The following SPATS2L variants were observed in gnomAD, a reference collection of about 807,000 sequenced individuals.
SPATS2L encodes the protein spermatogenesis associated serine rich 2 like.
In SPATS2L, 30 loss-of-function variants were observed where a neutral mutation model predicts 59.6. The observed-to-expected ratio is 0.50, with a 90% CI of 0.38 to 0.68. The LOEUF (loss-of-function observed/expected upper bound fraction) is 0.68. Among genes scored for constraint, SPATS2L ranks in the 30% least tolerant of loss-of-function variants. The probability of loss-of-function intolerance (pLI) is 0.00; values close to 1 mark genes in which losing one functional copy is unlikely to be tolerated. For missense variants in SPATS2L, 615 were observed against 700.0 expected (o/e 0.88, Z 1.37); for synonymous variants, 252 against 263.5 (o/e 0.96, Z 0.42).
At chr2:200,394,390 C>G (rs1043500184) in intron 3 of SPATS2L, among the ~76,000 whole-genome samples, 1 of 152,196 alleles carries the variant, frequency 6.6e-6, no homozygotes, top group African/African-American at 2.4e-5. Flanking sequence ...CGCCCTTCCT[C>G]TGTCATTCAC....
At chr2:200,391,319 TA>T (rs1445379921) in intron 3 of SPATS2L, among the ~76,000 whole-genome samples, 1 of 152,248 alleles carries the variant, frequency 6.6e-6, no homozygotes, top group African/African-American at 2.4e-5. Context: ...AGAACCTTGT[TA>T]CTATATAATG....
At chr2:200,345,849 G>A (rs559477642) in intron 2 of SPATS2L, among the ~76,000 whole-genome samples, 1 of 152,186 alleles carries the variant, frequency 6.6e-6, no homozygotes, top group Non-Finnish European at 1.5e-5. Flanking sequence ...TATGGTGAGG[G>A]TTACATAGCT....
chr2:200,387,815 A>G (rs556510915), intron 2 of SPATS2L, among the ~76,000 whole-genome samples: 1 of 152,330 alleles, frequency 6.6e-6, no homozygotes, highest in Admixed American at 6.5e-5. Context: ...TAATTTCTGA[A>G]TCAATCTGTT....
At chr2:200,403,014 C>G (rs568558372) in intron 3 of SPATS2L, among the ~76,000 whole-genome samples, 1 of 152,152 alleles carries the variant, frequency 6.6e-6, no homozygotes. Flanking sequence ...AATATAAAAT[C>G]CTACCTTTGT....
chr2:200,440,884 A>G (rs1219207802), intron 8 of SPATS2L, 100 bp downstream of exon 8: 2 of 1,351,278 alleles, frequency 1.5e-6, no homozygotes, highest in East Asian at 2.3e-5. Context: ...ATACATAAAC[A>G]TCACAGAATA....
At position 200,479,060 on chromosome 2, in the gene SPATS2L, G is replaced by T. The variant is rs753401844; in HGVS notation, c.*1029G>T. Reference sequence around the variant, plus strand: ...TGGGATTACAGGCATGTGCCACCACGCCCTGCTAATTTTTATATTATTAGT... The same window carrying T: ...TGGGATTACAGGCATGTGCCACCACTCCCTGCTAATTTTTATATTATTAGT... On this transcript the variant is annotated 3_prime_UTR_variant, in exon 13 of 13. Coordinates refer to ENST00000409140, the MANE Select transcript of SPATS2L (RefSeq NM_001100423.2). 2.6e-5 allele frequency: 4 copies of T among 152,164 alleles called. No homozygotes were observed. The highest frequency in any genetic ancestry group is 9.7e-5 in the African/African-American group (4 of 41,370). 9.4% of individuals were successfully genotyped at this position (152,164 alleles called of 1,614,324 possible).
intron 2 of SPATS2L, among the ~76,000 whole-genome samples, chr2:200,375,228 A>G (rs564249364): frequency 6.6e-6 from 1 of 152,288 alleles, no homozygotes; most frequent in South Asian, 2.1e-4. Flanking sequence ...GGTATATAGG[A>G]GTGAGGCTAA....
At chr2:200,354,090 G>T (rs1179075709) in intron 2 of SPATS2L, among the ~76,000 whole-genome samples, 1 of 152,052 alleles carries the variant, frequency 6.6e-6, no homozygotes, top group Non-Finnish European at 1.5e-5. Context: ...TATTTGCCTC[G>T]GTCTGTAATT....
At chr2:200,445,228 A>AC (rs1238318537) in intron 8 of SPATS2L, among the ~76,000 whole-genome samples, 1 of 152,100 alleles carries the variant, frequency 6.6e-6, no homozygotes, top group Admixed American at 6.5e-5. Flanking sequence ...GGGGAGGATC[A>AC]CTGGAGTCTA....
intron 6 of SPATS2L, among the ~76,000 whole-genome samples, chr2:200,425,600 A>T (rs2083522043): frequency 6.6e-6 from 1 of 152,228 alleles, no homozygotes; most frequent in Non-Finnish European, 1.5e-5. Context: ...TGAGCAGTAA[A>T]TGAGATATAT....
rs1024534717 is a variant in SPATS2L, at chr2:200,386,959, A to G, written c.-22-2264A>G. Reference sequence around the variant, plus strand: ...AAATCAGCCATCCAGAAGTCTTCCAATATAATGATTGCAGACTGTCTTGCA... The same window carrying G: ...AAATCAGCCATCCAGAAGTCTTCCAGTATAATGATTGCAGACTGTCTTGCA... On this transcript the variant is annotated intron_variant, in intron 2 of 12. Transcript: ENST00000409140. 4.6e-5 allele frequency among the ~76,000 whole-genome samples: 7 copies of G among 152,222 alleles called. No homozygotes were observed. In the South Asian group the frequency reaches 6.2e-4, roughly 14 times the overall value.
chr2:200,425,012 A>G (rs2083476780), intron 6 of SPATS2L, among the ~76,000 whole-genome samples: 2 of 152,000 alleles, frequency 1.3e-5, no homozygotes, highest in South Asian at 4.2e-4. Context: ...TTACCTTAGC[A>G]ATGCAGATTC....
intron 1 of SPATS2L, among the ~76,000 whole-genome samples, chr2:200,317,469 C>T (rs2079417617): frequency 6.6e-6 from 1 of 152,118 alleles, no homozygotes; most frequent in Non-Finnish European, 1.5e-5. Context: ...CTCAGTATAT[C>T]TCAATTCACC....
intron 2 of SPATS2L, among the ~76,000 whole-genome samples, chr2:200,350,707 G>GT (rs1174564196): frequency 6.6e-6 from 1 of 151,808 alleles, no homozygotes; most frequent in African/African-American, 2.4e-5. Context: ...TTGTTTGTTT[G>GT]TTTTTTTAGT....
chr2:200,449,214 G>A (rs1231017273), intron 8 of SPATS2L, among the ~76,000 whole-genome samples: 1 of 152,160 alleles, frequency 6.6e-6, no homozygotes, highest in Non-Finnish European at 1.5e-5. Flanking sequence ...TTTCCCCAGG[G>A]CCTTTGCAAG....
At chr2:200,307,426 G>A (rs898583595) in intron 1 of SPATS2L, among the ~76,000 whole-genome samples, 1 of 151,920 alleles carries the variant, frequency 6.6e-6, no homozygotes, top group Non-Finnish European at 1.5e-5. Context: ...CGGGTGCGGG[G>A]GCCGCGGCCC....
chr2:200,343,292 A>T (rs1159621537), intron 2 of SPATS2L, among the ~76,000 whole-genome samples: 4 of 152,226 alleles, frequency 2.6e-5, no homozygotes, highest in African/African-American at 9.6e-5. Context: ...AATGGAACGT[A>T]TGTCAGTCTT....
chr2:200,462,335 TACTC>T (rs1274746050), intron 9 of SPATS2L, among the ~76,000 whole-genome samples: 6 of 152,190 alleles, frequency 3.9e-5, no homozygotes, highest in Admixed American at 6.5e-5. Context: ...TTTAAAAACT[TACTC>T]AATCAGTAAA....
At chr2:200,385,625 G>C (rs1270331293) in intron 2 of SPATS2L, among the ~76,000 whole-genome samples, 1 of 152,088 alleles carries the variant, frequency 6.6e-6, no homozygotes, top group African/African-American at 2.4e-5. Flanking sequence ...AACCTCACCT[G>C]TCCCACAGTT....
Sources: gnomAD v4.1 joint callset for allele counts (sites outside exome capture counted in the v4.1 genomes callset) on GRCh38, gnomAD v4.1.1 for gene constraint, MANE v1.5 for transcripts, NCBI Gene and HGNC (gene_info 2026-07-23, HGNC 2026-07-21) for gene names.